The following B4GALNT3 variants were observed in gnomAD, a reference collection of about 807,000 sequenced individuals.
B4GALNT3 encodes beta-1,4-N-acetylgalactosaminyltransferase 3.
Under a neutral mutation model 120.2 loss-of-function variants are expected in B4GALNT3, and 86 were observed. That is an observed-to-expected ratio of 0.72 (90% CI 0.60 to 0.86). The LOEUF (loss-of-function observed/expected upper bound fraction) is 0.86. B4GALNT3 is among the 40% of genes least tolerant of loss of function. B4GALNT3 has a pLI of 0.00. For missense variants in B4GALNT3, 1,167 were observed against 1,298.9 expected, an observed-to-expected ratio of 0.90 and a Z score of 1.56; for synonymous variants, 518 against 510.4, an observed-to-expected ratio of 1.01 and a Z score of -0.20.
At chr12:468,255 G>A (rs2120423415) in intron 1 of B4GALNT3, among the ~76,000 whole-genome samples, 1 of 152,244 alleles carries the variant, frequency 6.6e-6, no homozygotes, top group South Asian at 2.1e-4. Flanking sequence ...AAAATGAAGT[G>A]TAATAAGCAG....
chr12:472,736 C>A (rs1422691954), intron 1 of B4GALNT3, among the ~76,000 whole-genome samples: 1 of 151,934 alleles, frequency 6.6e-6, no homozygotes, highest in African/African-American at 2.4e-5. Context: ...CGCGCCCGAC[C>A]TATGCCTGCT....
intron 6 of B4GALNT3, 64 bp downstream of exon 6, chr12:545,533 G>A: frequency 6.9e-7 from 1 of 1,452,652 alleles, no homozygotes; most frequent in Non-Finnish European, 9.4e-7. Context: ...GAGTCCTCCA[G>A]CAGCTGCTCA....
intron 1 of B4GALNT3, among the ~76,000 whole-genome samples, chr12:518,588 T>C (rs1946679814): frequency 6.6e-6 from 1 of 152,002 alleles, no homozygotes; most frequent in Non-Finnish European, 1.5e-5. Flanking sequence ...GTTGTAAAGA[T>C]GGGGTCTGTT....
chr12:545,486 C>A lies in B4GALNT3; in HGVS notation c.639+17C>A. Reference sequence around the variant, plus strand: ...GTGGGCAAGGTAAGGCCAGCTCAACCCCGGTCCCTCCCATCTGCTCCTGGA... The same window carrying A: ...GTGGGCAAGGTAAGGCCAGCTCAACACCGGTCCCTCCCATCTGCTCCTGGA... On this transcript the variant is annotated intron_variant, in intron 6 of 19. Coordinates refer to ENST00000266383, the MANE Select transcript of B4GALNT3 (RefSeq NM_173593.4). The A allele has an allele frequency of 1.3e-6, 2 of 1,575,774 alleles. No individual in the cohort carries two copies. Among genetic ancestry groups the A allele is most frequent in the Non-Finnish European group, 8.6e-7 (1 of 1,159,678 alleles).
In B4GALNT3 at chr12:532,868, C is replaced by T. The variant is rs1476994330; in HGVS notation, c.170-2298C>T. 5.9e-5 allele frequency among the ~76,000 whole-genome samples: 9 copies of T among 152,338 alleles called. 1 individual carries two copies. Among genetic ancestry groups the T allele is most frequent in the Admixed American group, 5.9e-4 (9 of 15,310 alleles). ...CTAGTTCATTGTGAGGGTTAGTCAT[C>T]TCCCCTTGGTGTGACTCCCAACAGT... On this transcript the variant is annotated intron_variant, in intron 1 of 19. Transcript: ENST00000266383.
Position 562,541 on chromosome 12 carries a change from G to A in B4GALNT3, c.*1090G>A, listed in dbSNP as rs530911462. The A allele has an allele frequency of 6.6e-6, 1 of 152,408 alleles. No homozygotes were observed. The highest frequency in any genetic ancestry group is 2.1e-4 in the South Asian group (1 of 4,820). 9.4% of individuals were successfully genotyped at this position (152,408 alleles called of 1,614,324 possible). ...CCTGGACAGGGAGCAGGATAAGAAG[G>A]GGGCGGGATGAGAGGTTTGGGGAGG... On this transcript the variant is annotated 3_prime_UTR_variant, in exon 20 of 20. Transcript: ENST00000266383. This position sits in a 1 kb window ranked among gnomAD's most constrained non-coding sequence, Gnocchi z 5.2.
intron 1 of B4GALNT3, among the ~76,000 whole-genome samples, chr12:482,063 A>G (rs1001161981): frequency 6.6e-6 from 1 of 152,130 alleles, no homozygotes; most frequent in Non-Finnish European, 1.5e-5. Context: ...CCGAGCCAAT[A>G]ATCTAATTGA....
chr12:558,729 G>A, intron 18 of B4GALNT3, 68 bp downstream of exon 18: 4 of 1,534,240 alleles, frequency 2.6e-6, no homozygotes, highest in Non-Finnish European at 3.6e-6. Context: ...TCCAGAGCTG[G>A]GAACAGTCAT....
intron 1 of B4GALNT3, among the ~76,000 whole-genome samples, chr12:468,313 A>T: frequency 6.6e-6 from 1 of 152,232 alleles, no homozygotes; most frequent in East Asian, 1.9e-4. Context: ...AAAAGTCTGG[A>T]TTTAAAAACT....
intron 1 of B4GALNT3, among the ~76,000 whole-genome samples, chr12:463,159 A>G (rs1439297929): frequency 1.3e-5 from 2 of 152,228 alleles, no homozygotes; most frequent in Non-Finnish European, 2.9e-5. Context: ...CTGGAAGGCC[A>G]GCCCCCATTA....
At chr12:474,111 A>G (rs1445462836) in intron 1 of B4GALNT3, among the ~76,000 whole-genome samples, 1 of 152,230 alleles carries the variant, frequency 6.6e-6, no homozygotes, top group Non-Finnish European at 1.5e-5. Context: ...TTCCTAATCC[A>G]TTGTCCTGAA....
chr12:516,603 G>T (rs1486444185), intron 1 of B4GALNT3, among the ~76,000 whole-genome samples: 1 of 152,184 alleles, frequency 6.6e-6, no homozygotes, highest in South Asian at 2.1e-4. Context: ...AGTGAAAGCA[G>T]GTACCATTAA....
chr12:497,653 G>A (rs879581601), intron 1 of B4GALNT3, among the ~76,000 whole-genome samples: 2 of 152,168 alleles, frequency 1.3e-5, no homozygotes, highest in South Asian at 2.1e-4. Flanking sequence ...CCTGGGTCCC[G>A]TGGTAACTCT....
chr12:555,957 A>G (rs546453077), intron 14 of B4GALNT3, among the ~76,000 whole-genome samples: 66 of 151,438 alleles, frequency 4.4e-4, no homozygotes, highest in South Asian at 1.9e-3. Flanking sequence ...CTAATTTTTT[A>G]TATTTTTAGT....
chr12:547,365 C>T (rs557539191), intron 7 of B4GALNT3, among the ~76,000 whole-genome samples: 6 of 152,262 alleles, frequency 3.9e-5, no homozygotes, highest in Admixed American at 2.0e-4. Context: ...ACATAGAATG[C>T]CAAGTGCTCC....
rs376748884 is a variant in B4GALNT3 at position 547,899 on chromosome 12, C to G, written c.708-125C>G. The G allele has an allele frequency of 5.0e-5, 40 of 792,138 alleles. No homozygotes were observed. In the East Asian group the frequency reaches 1.0e-3, roughly 21 times the overall value. 49.1% of individuals were successfully genotyped at this position (792,138 alleles called of 1,614,324 possible). Reference sequence around the variant, plus strand: ...GGGGCTCGAACCTAGGCAGTTAACTCCTGGCATTCTAAGAGCAAGGAGAAG... The same window carrying G: ...GGGGCTCGAACCTAGGCAGTTAACTGCTGGCATTCTAAGAGCAAGGAGAAG... On this transcript the variant is annotated intron_variant, in intron 7 of 19. Coordinates refer to ENST00000266383, the MANE Select transcript of B4GALNT3 (RefSeq NM_173593.4).
At chr12:543,133 A>ATGTG (rs145499399) in intron 3 of B4GALNT3, 5 of 1,253,114 alleles carry the variant, frequency 4.0e-6, no homozygotes, top group Admixed American at 2.4e-5. Flanking sequence ...CAGGGAGAGT[A>ATGTG]TGTGTGTGTG....
chr12:558,472 G>C (rs1165046821), intron 17 of B4GALNT3, 36 bp from the exon 18 acceptor site: 2 of 1,604,580 alleles, frequency 1.2e-6, no homozygotes, highest in East Asian at 2.2e-5. Context: ...GCTCTGGTCT[G>C]CAGGGTCTGC....
At chr12:485,105 G>T (rs990772182) in intron 1 of B4GALNT3, among the ~76,000 whole-genome samples, 2 of 152,196 alleles carry the variant, frequency 1.3e-5, no homozygotes, top group African/African-American at 4.8e-5. Flanking sequence ...CATAGAGGAG[G>T]AAGACGTGGT....
Sources: gnomAD v4.1 joint callset for allele counts (sites outside exome capture counted in the v4.1 genomes callset) on GRCh38, gnomAD v4.1.1 for gene constraint, Gnocchi (gnomAD v3.1) non-coding constraint, MANE v1.5 for transcripts, NCBI Gene and HGNC (gene_info 2026-07-23, HGNC 2026-07-21) for gene names.